The following ESRRB variants were observed in gnomAD, a reference collection of about 807,000 sequenced individuals.
The protein encoded by ESRRB is steroid hormone receptor ERR2.
ESRRB carries 16 observed loss-of-function variants against 46.0 expected under a neutral mutation model. The ratio of observed to expected loss-of-function variants is 0.35; its 90% CI spans 0.24 to 0.53. ESRRB has a LOEUF of 0.53. Ranked by LOEUF, ESRRB falls within the 20% of genes least tolerant of loss-of-function variation. The probability of loss-of-function intolerance (pLI) is 0.93; values close to 1 mark genes in which losing one functional copy is unlikely to be tolerated. For missense variants in ESRRB, 488 were observed against 607.4 expected (o/e 0.80, Z 2.07); for synonymous variants, 246 against 259.6 (o/e 0.95, Z 0.50).
chr14:76,422,302 C>G (rs1180056597), intron 1 of ESRRB, among the ~76,000 whole-genome samples: 3 of 151,378 alleles, frequency 2.0e-5, no homozygotes, highest in African/African-American at 7.3e-5. Flanking sequence ...CCTCCGCCTC[C>G]CGGGTTCAAG....
At chr14:76,446,777 G>A (rs903550716) in intron 2 of ESRRB, among the ~76,000 whole-genome samples, 1 of 152,174 alleles carries the variant, frequency 6.6e-6, no homozygotes, top group South Asian at 2.1e-4. Flanking sequence ...CCTTGTATGT[G>A]TGCTCTCTTT....
At chr14:76,344,004 T>C (rs956707637) in intron 1 of ESRRB, among the ~76,000 whole-genome samples, 17 of 152,166 alleles carry the variant, frequency 1.1e-4, no homozygotes, top group African/African-American at 4.1e-4. Context: ...TCAAATATAG[T>C]GGGAGATAGA....
chr14:76,450,374 A>T (rs1040934326), intron 2 of ESRRB, among the ~76,000 whole-genome samples: 1 of 152,098 alleles, frequency 6.6e-6, no homozygotes, highest in Non-Finnish European at 1.5e-5. Flanking sequence ...TGAGGGGTGC[A>T]CTTGGATTTT....
At chr14:76,438,906 T>C (rs927721464) in intron 1 of ESRRB, among the ~76,000 whole-genome samples, 1 of 151,726 alleles carries the variant, frequency 6.6e-6, no homozygotes, top group African/African-American at 2.4e-5. Flanking sequence ...GCTCAAGCAA[T>C]CCTCCCTCCT....
intron 5 of ESRRB, among the ~76,000 whole-genome samples, chr14:76,486,203 T>C (rs531024028): frequency 9.3e-4 from 142 of 152,320 alleles, no homozygotes; most frequent in African/African-American, 3.1e-3. Flanking sequence ...ACTTGATGAA[T>C]TGCAGCCTCC....
rs544135196 is a variant in ESRRB at position 76,466,817 on chromosome 14, G to A, written c.577+4156G>A. Among the ~76,000 whole-genome samples the A allele has an allele frequency of 2.8e-4, 42 of 151,956 alleles. No individual in the cohort carries two copies. The Middle Eastern group carries it at 0.01, about 37-fold the overall frequency. ...AGGCTCACCACACCCTCCACCTCCC[G>A]GGTTCAAGCAATTCTCCTGCTTCAG... On this transcript the variant is annotated intron_variant, in intron 3 of 6. Coordinates refer to ENST00000644823, the MANE Select transcript of ESRRB (RefSeq NM_001379180.1).
Position 76,499,270 on chromosome 14 carries a change from G to A in ESRRB, c.*812G>A, listed in dbSNP as rs569322956. On this transcript the variant is annotated 3_prime_UTR_variant, in exon 7 of 7. Coordinates refer to ENST00000644823, the MANE Select transcript of ESRRB (RefSeq NM_001379180.1). ...GGAACGCGCTGGCACAGAGAAGAGC[G>A]GGGACCACACCATCCTCCCAAGAAC... 46 of 246,096 alleles carry A rather than the reference G, an allele frequency of 1.9e-4. No individual in the cohort carries two copies. The highest frequency in any genetic ancestry group is 1.0e-4 in the Non-Finnish European group (13 of 124,904). 15.2% of individuals were successfully genotyped at this position (246,096 alleles called of 1,614,324 possible).
intron 1 of ESRRB, among the ~76,000 whole-genome samples, chr14:76,396,883 C>T (rs1885708640): frequency 6.6e-6 from 1 of 152,230 alleles, no homozygotes; most frequent in Non-Finnish European, 1.5e-5. Context: ...CCACTTCACG[C>T]CTCATGGAGC....
At chr14:76,476,735 G>C (rs1889599335) in intron 3 of ESRRB, among the ~76,000 whole-genome samples, 1 of 151,340 alleles carries the variant, frequency 6.6e-6, no homozygotes, top group East Asian at 1.9e-4. Context: ...CATGGCGGCA[G>C]GGGCGCTCCA....
intron 2 of ESRRB, among the ~76,000 whole-genome samples, chr14:76,448,007 T>G (rs1005205351): frequency 6.6e-6 from 1 of 152,226 alleles, no homozygotes; most frequent in Admixed American, 6.5e-5. Context: ...CTCTTTTGCA[T>G]GCTGTGGTCA....
At chr14:76,311,663 G>A (rs533559610) in intron 1 of ESRRB, among the ~76,000 whole-genome samples, 2 of 152,360 alleles carry the variant, frequency 1.3e-5, no homozygotes, top group Admixed American at 6.5e-5. Flanking sequence ...AAAGCCAGGT[G>A]TGGAGGGAGG....
rs1413454369 is a variant in ESRRB, at chr14:76,376,203, C to G, written c.-199C>G. On this transcript the variant is annotated 5_prime_UTR_variant, in exon 1 of 7. Coordinates refer to ENST00000644823, the MANE Select transcript of ESRRB (RefSeq NM_001379180.1). This position sits in a 1 kb window ranked among gnomAD's most constrained non-coding sequence, Gnocchi z 4.1. Reference sequence around the variant, plus strand: ...CTCTGCCCGCTCTCTCCGGAGCGTGCGGATGAGTGGAGAGCTGGGCTGTGC... The same window carrying G: ...CTCTGCCCGCTCTCTCCGGAGCGTGGGGATGAGTGGAGAGCTGGGCTGTGC... The G allele has an allele frequency of 2.5e-6, 1 of 395,766 alleles. No homozygotes were observed. The highest frequency in any genetic ancestry group is 4.4e-6 in the Non-Finnish European group (1 of 225,468). 24.5% of individuals were successfully genotyped at this position (395,766 alleles called of 1,614,324 possible). A position where few individuals can be genotyped will look rare whatever the true frequency, so the allele number is the denominator to read the frequency against.
chr14:76,339,430 C>T (rs780560231), intron 1 of ESRRB, among the ~76,000 whole-genome samples: 21 of 152,194 alleles, frequency 1.4e-4, no homozygotes, highest in Middle Eastern at 3.2e-3. Context: ...TGGTAGCCAT[C>T]GTCATTACCA....
In ESRRB at chr14:76,376,929, G is replaced by A. The variant is rs181298428; in HGVS notation, c.50+478G>A. 1.3e-5 allele frequency among the ~76,000 whole-genome samples: 2 copies of A among 152,144 alleles called. No individual in the cohort carries two copies. Among genetic ancestry groups the A allele is most frequent in the African/African-American group, 4.8e-5 (2 of 41,428 alleles). Reference sequence around the variant, plus strand: ...CCCGGCAAGAGAGAGAAAATCGAACGTGCCGCGGCGGTTTGGAAACTGCAG... The same window carrying A: ...CCCGGCAAGAGAGAGAAAATCGAACATGCCGCGGCGGTTTGGAAACTGCAG... On this transcript the variant is annotated intron_variant, in intron 1 of 6. Coordinates refer to ENST00000644823, the MANE Select transcript of ESRRB (RefSeq NM_001379180.1). This position sits in a 1 kb window ranked among gnomAD's most constrained non-coding sequence, Gnocchi z 4.1.
intron 1 of ESRRB, among the ~76,000 whole-genome samples, chr14:76,389,517 C>A (rs1487276089): frequency 6.6e-6 from 1 of 152,156 alleles, no homozygotes; most frequent in Non-Finnish European, 1.5e-5. Context: ...GAAGAGGTAA[C>A]CAGGAGAGCA....
chr14:76,482,809 A>G lies in ESRRB; in HGVS notation c.850+50A>G, dbSNP rs765463232. 5 of 1,607,120 alleles carry G rather than the reference A, an allele frequency of 3.1e-6. No homozygotes were observed. The highest frequency in any genetic ancestry group is 1.3e-5 in the African/African-American group (1 of 74,794). ...GTGTGGCCAGGGACTCTCAGCCGGT[A>G]TCTCCGCAGCCTACCCAATGGCTGT... On this transcript the variant is annotated intron_variant, in intron 5 of 6. Coordinates refer to ENST00000644823, the MANE Select transcript of ESRRB (RefSeq NM_001379180.1). The surrounding 1 kb of genome is among the most constrained non-coding windows in gnomAD (Gnocchi z 4.3).
rs537791905 is a variant in ESRRB at position 76,494,496 on chromosome 14, A to G, written c.1120+2780A>G. ...TAATTTTTGTATTTTTAGTAGAGAC[A>G]TGGTTTCACCATGTTGGCCAGGCTG... On this transcript the variant is annotated intron_variant, in intron 6 of 6. Coordinates refer to ENST00000644823, the MANE Select transcript of ESRRB (RefSeq NM_001379180.1). 5.2e-4 allele frequency among the ~76,000 whole-genome samples: 79 copies of G among 152,038 alleles called. 1 individual carries two copies. Among genetic ancestry groups the G allele is most frequent in the African/African-American group, 1.8e-3 (74 of 41,478 alleles).
At chr14:76,467,328 C>T (rs1448754463) in intron 3 of ESRRB, among the ~76,000 whole-genome samples, 1 of 151,576 alleles carries the variant, frequency 6.6e-6, no homozygotes, top group African/African-American at 2.4e-5. Context: ...TGGTAAAATG[C>T]CTTCTCTACT....
At chr14:76,460,324 G>C (rs992257280) in intron 2 of ESRRB, among the ~76,000 whole-genome samples, 1 of 152,198 alleles carries the variant, frequency 6.6e-6, no homozygotes, top group African/African-American at 2.4e-5. Flanking sequence ...CAGGAGATCT[G>C]TGTGGCCTTG....
Sources: gnomAD v4.1 joint callset for allele counts (sites outside exome capture counted in the v4.1 genomes callset) on GRCh38, gnomAD v4.1.1 for gene constraint, Gnocchi (gnomAD v3.1) non-coding constraint, MANE v1.5 for transcripts, NCBI Gene and HGNC (gene_info 2026-07-23, HGNC 2026-07-21) for gene names.